EPHB4: variants seen among roughly 807,000 people sequenced by gnomAD.
The protein encoded by EPHB4 is ephrin type-B receptor 4.
In EPHB4, 50 loss-of-function variants were observed where a neutral mutation model predicts 110.6. The ratio of observed to expected loss-of-function variants is 0.45; its 90% CI spans 0.36 to 0.57. EPHB4 has a LOEUF of 0.57. EPHB4 is among the 20% of genes least tolerant of loss of function. The probability of loss-of-function intolerance (pLI) is 0.00; values close to 1 mark genes in which losing one functional copy is unlikely to be tolerated. For missense variants in EPHB4, 1,128 were observed against 1,382.1 expected (o/e 0.82, Z 2.91); for synonymous variants, 592 against 578.4 (o/e 1.02, Z -0.34).
At chr7:100,820,096 T>C (rs745914068) in intron 5 of EPHB4, 45 bp downstream of exon 5, 1 of 1,600,376 alleles carries the variant, frequency 6.2e-7, no homozygotes, top group Non-Finnish European at 8.5e-7. Context: ...CTCAGAGGTC[T>C]GTGACCCCTC....
Position 100,820,220 on chromosome 7 carries a change from GT to G in EPHB4, c.884del (p.Asn295ThrfsTer40). 1 of 1,614,160 alleles carries G rather than the reference GT, an allele frequency of 6.2e-7. No individual in the cohort carries two copies. The highest frequency in any genetic ancestry group is 8.5e-7 in the Non-Finnish European group (1 of 1,180,028). The stretch of plus-strand genomic sequence containing the variant: ...ACTGGCAGACGGCTGATCCAATGGT[GT>G]TAGAGTGGCTATTGGCTGGGCATGG... ...CQPCPANSHS[N>X]TIGSAVCQCR... On this transcript the variant is annotated frameshift_variant, in exon 5 of 17. Transcript: ENST00000358173. LOFTEE classifies it high-confidence loss of function.
chr7:100,804,783 G>T (rs146032057), intron 16 of EPHB4, among the ~76,000 whole-genome samples: 1 of 152,128 alleles, frequency 6.6e-6, no homozygotes, highest in Non-Finnish European at 1.5e-5. Flanking sequence ...AGCTGAAGAG[G>T]ATCTCCAAAA....
At chr7:100,807,119 C>T (rs775465451) in intron 13 of EPHB4, among the ~76,000 whole-genome samples, 3 of 152,278 alleles carry the variant, frequency 2.0e-5, no homozygotes, top group South Asian at 2.1e-4. Flanking sequence ...CATGCCACTG[C>T]GCCTGGCTAA....
intron 8 of EPHB4, among the ~76,000 whole-genome samples, chr7:100,815,315 CCT>C (rs1205261481): frequency 6.6e-6 from 1 of 151,610 alleles, no homozygotes; most frequent in Non-Finnish European, 1.5e-5. Context: ...AGAGCGAGAC[CCT>C]GTTTCCAAAA....
At chr7:100,817,402 G>C in intron 7 of EPHB4, 45 bp from the exon 8 acceptor site, 1 of 1,497,810 alleles carries the variant, frequency 6.7e-7, no homozygotes, top group Non-Finnish European at 8.9e-7. Flanking sequence ...GGGAACCCAA[G>C]TTCCTGTTGC....
chr7:100,820,132 G>C lies in EPHB4; in HGVS notation c.964+9C>G, dbSNP rs769756568. 6.2e-7 allele frequency: 1 copy of C among 1,612,998 alleles called. No homozygotes were observed. The highest frequency in any genetic ancestry group is 1.1e-5 in the South Asian group (1 of 91,022). On this transcript the variant is annotated intron_variant, in intron 5 of 16. Transcript: ENST00000358173. ...CCCAGTGAACTGCACCTGGGTGCTG[G>C]TCACTTACTGGTGCAGGGTGCACCC...
intron 14 of EPHB4, chr7:100,805,948 T>C: frequency 2.4e-6 from 1 of 410,502 alleles, no homozygotes; most frequent in East Asian, 3.7e-5. Context: ...GACCCAAATA[T>C]GCTGTACCCA....
At chr7:100,818,944 C>T (rs1042191823) in intron 6 of EPHB4, among the ~76,000 whole-genome samples, 1 of 152,074 alleles carries the variant, frequency 6.6e-6, no homozygotes, top group African/African-American at 2.4e-5. Context: ...TCAGCCTGGC[C>T]ATGTCCCTTA....
At chr7:100,809,741 T>C (rs1812889215) in intron 12 of EPHB4, among the ~76,000 whole-genome samples, 1 of 152,056 alleles carries the variant, frequency 6.6e-6, no homozygotes, top group Non-Finnish European at 1.5e-5. Context: ...CTCTAACTCC[T>C]GGCCTCGAGT....
chr7:100,806,059 A>T (rs901191574), intron 14 of EPHB4: 2 of 267,440 alleles, frequency 7.5e-6, no homozygotes, highest in African/African-American at 4.4e-5. Flanking sequence ...CCTGGGTTCA[A>T]GCGATTATCC....
Position 100,822,639 on chromosome 7 carries a change from G to C in EPHB4, c.440C>G (p.Thr147Ser). 1.3e-6 allele frequency: 2 copies of C among 1,591,636 alleles called. No homozygotes were observed. Among genetic ancestry groups the C allele is most frequent in the Non-Finnish European group, 1.7e-6 (2 of 1,166,162 alleles). ...GGCCTCGGCCCCAGGGCGCTTCCGG[G>C]TGAGATGCTCCGCGGCCACCGTGTC... ...KVDTVAAEHLTRKRPGAEATG... is the reference protein window; with the variant it reads ...KVDTVAAEHLSRKRPGAEATG... The change falls in exon 4 of 17, where the codon ACC becomes AGC. Residue 147 changes from threonine to serine, a missense_variant. By Grantham distance (58) the Thr-to-Ser change is moderately conservative. Coordinates refer to ENST00000358173, the MANE Select transcript of EPHB4 (RefSeq NM_004444.5). This position sits in a 1 kb window ranked among gnomAD's most constrained non-coding sequence, Gnocchi z 4.7.
chr7:100,827,084 C>T lies in EPHB4; in HGVS notation c.-54G>A, dbSNP rs929324650. 6.5e-7 allele frequency: 1 copy of T among 1,543,660 alleles called. No individual in the cohort carries two copies. Among genetic ancestry groups the T allele is most frequent in the Non-Finnish European group, 8.8e-7 (1 of 1,142,214 alleles). ...ACTGAGTTTGGGGGGCCCTCGCCCC[C>T]CCAGGTCTGACTCTCCCTGGGCGGG... On this transcript the variant is annotated 5_prime_UTR_variant, in exon 1 of 17. Transcript: ENST00000358173.
At chr7:100,818,442 G>C in intron 7 of EPHB4, 78 bp downstream of exon 7, 1 of 1,566,220 alleles carries the variant, frequency 6.4e-7, no homozygotes. Flanking sequence ...TGCCTGCCAG[G>C]TGCCTGCAAC....
intron 4 of EPHB4, 118 bp from the exon 5 acceptor site, chr7:100,820,414 T>A: frequency 7.5e-7 from 1 of 1,327,856 alleles, no homozygotes; most frequent in Non-Finnish European, 1.0e-6. Flanking sequence ...GAGGATCGCT[T>A]GAGCCAAGGG....
In EPHB4 at chr7:100,823,984, C is replaced by T. The variant is rs1813310163; in HGVS notation, c.124-53G>A. ...GGCTGGGGAGCCGCCAGGGAGAGGG[C>T]TGCATGGGGTGAATCCTATAAAGTG... On this transcript the variant is annotated intron_variant, in intron 2 of 16. Transcript: ENST00000358173. The T allele has an allele frequency of 2.6e-6, 4 of 1,527,884 alleles. No individual in the cohort carries two copies. In the African/African-American group the frequency reaches 4.1e-5, roughly 16 times the overall value. 94.6% of individuals were successfully genotyped at this position (1,527,884 alleles called of 1,614,324 possible).
At position 100,806,499 on chromosome 7, in the gene EPHB4, T is replaced by C. The variant is rs776410552; in HGVS notation, c.2405A>G (p.Asp802Gly). 1 of 1,614,044 alleles carries C rather than the reference T, an allele frequency of 6.2e-7. No individual in the cohort carries two copies. The highest frequency in any genetic ancestry group is 8.5e-7 in the Non-Finnish European group (1 of 1,180,014). Reference protein sequence around the residue: ...IAFRKFTSASDAWSYGIVMWE... With the variant: ...IAFRKFTSASGAWSYGIVMWE... ...CATCACAATCCCGTAACTCCAGGCA[T>C]CACTGGCGGAAGTGAACTTCCGGAA... Residue 802 changes from aspartate to glycine, a missense_variant, in exon 14 of 17, where the codon GAT becomes GGT. Around this residue, in one of 3 missense-constraint regions of EPHB4, gnomAD observed 191 missense variants for 313.0 expected, o/e 0.61. Coordinates refer to ENST00000358173, the MANE Select transcript of EPHB4 (RefSeq NM_004444.5).
intron 10 of EPHB4, 124 bp from the exon 11 acceptor site, chr7:100,813,332 T>C (rs10245254): frequency 1.6e-6 from 1 of 627,492 alleles, no homozygotes; most frequent in Non-Finnish European, 2.5e-6. Context: ...TTTTTTTTCC[T>C]GAGATGGAGT....
At chr7:100,820,431 G>T in intron 4 of EPHB4, 135 bp from the exon 5 acceptor site, 1 of 973,536 alleles carries the variant, frequency 1.0e-6, no homozygotes, top group Non-Finnish European at 1.4e-6. Context: ...AGGGGTTCAA[G>T]ACCAGCCTGG....
In EPHB4 at chr7:100,812,909, G is replaced by A. The variant is rs183383429; in HGVS notation, c.1956C>T (p.Gly652=). 1.1e-5 allele frequency: 17 copies of A among 1,614,222 alleles called. No individual in the cohort carries two copies. In the Admixed American group the frequency reaches 1.8e-4, roughly 17 times the overall value. Residue 652 remains glycine, a synonymous_variant, in exon 12 of 17, where the codon GGC becomes GGT. Coordinates refer to ENST00000358173, the MANE Select transcript of EPHB4 (RefSeq NM_004444.5). ...ACTCACGCCGCTGCCGCTCCGTGTAGCCACCCTTCAGGGTCTTGATTGCCA... is the reference window on the plus strand; with the variant it reads ...ACTCACGCCGCTGCCGCTCCGTGTAACCACCCTTCAGGGTCTTGATTGCCA... ...SCVAIKTLKG[G]YTERQRREFL... is the part of the protein sequence containing the mutation.
Sources: gnomAD v4.1 joint callset for allele counts (sites outside exome capture counted in the v4.1 genomes callset) on GRCh38, gnomAD v4.1.1 for gene constraint, gnomAD v4.1.1 regional missense constraint, Gnocchi (gnomAD v3.1) non-coding constraint, MANE v1.5 for transcripts, NCBI Gene and HGNC (gene_info 2026-07-23, HGNC 2026-07-21) for gene names.